FAAH2: variants seen among roughly 807,000 people sequenced by gnomAD.
FAAH2 encodes fatty-acid amide hydrolase 2.
In FAAH2, 60 loss-of-function variants were observed where a neutral mutation model predicts 36.9. The ratio of observed to expected loss-of-function variants is 1.63; its 90% confidence interval spans 1.32 to 2.02. FAAH2 has a LOEUF of 2.02. Ranked by LOEUF, FAAH2 falls within the 30% of genes most tolerant of loss-of-function variation. FAAH2 has a pLI of 0.00. For synonymous variants in FAAH2, 214 were observed against 143.8 expected, an observed-to-expected ratio of 1.49 and a Z score of -3.49; for missense variants, 689 against 397.5, an observed-to-expected ratio of 1.73 and a Z score of -6.23.
chrX:57,346,127 G>A (rs1241194629), intron 5 of FAAH2, among the ~76,000 whole-genome samples: 2 of 110,909 alleles, frequency 1.8e-5, no homozygotes, highest in African/African-American at 3.3e-5. Flanking sequence ...TTTTGCAGAT[G>A]TCTATCAGGT....
chrX:57,241,265 C>T, the FAAH2 span, among the ~76,000 whole-genome samples: 1 of 112,336 alleles, frequency 8.9e-6, no homozygotes, highest in South Asian at 3.6e-4. Context: ...ACAACCTATA[C>T]AATACTGTTC....
chrX:57,386,714 C>T (rs762855916), intron 7 of FAAH2, among the ~76,000 whole-genome samples: 2 of 111,414 alleles, frequency 1.8e-5, no homozygotes, highest in African/African-American at 3.3e-5. Context: ...TTTTTGCTGG[C>T]CTGAAATTCA....
At chrX:57,170,924 G>C in the FAAH2 span, among the ~76,000 whole-genome samples, 2 of 109,406 alleles carry the variant, frequency 1.8e-5, no homozygotes, top group Non-Finnish European at 3.8e-5. Context: ...TGGCCAGGCT[G>C]GTTTCGAACT....
At chrX:57,402,815 G>A (rs1270504156) in intron 7 of FAAH2, among the ~76,000 whole-genome samples, 1 of 111,728 alleles carries the variant, frequency 9.0e-6, no homozygotes, top group African/African-American at 3.3e-5. Context: ...ATCCCTCTGA[G>A]GGTCTACACT....
chrX:57,295,813 C>A (rs1004506973), intron 2 of FAAH2, among the ~76,000 whole-genome samples: 1 of 112,540 alleles, frequency 8.9e-6, no homozygotes, highest in African/African-American at 3.2e-5. Flanking sequence ...GATTATATCC[C>A]GCACTTGGAT....
intron 7 of FAAH2, among the ~76,000 whole-genome samples, chrX:57,431,675 C>A (rs1347569877): frequency 9.0e-6 from 1 of 111,020 alleles, no homozygotes; most frequent in East Asian, 2.8e-4. Context: ...CTAGCATTTC[C>A]TTGGTTGCTT....
At chrX:57,258,707 G>GC in the FAAH2 span, among the ~76,000 whole-genome samples, 1 of 86,250 alleles carries the variant, frequency 1.2e-5, no homozygotes, top group Admixed American at 1.3e-4. Context: ...TTTTTTTGTT[G>GC]CCTTTTTTTT....
chrX:57,209,352 G>A, the FAAH2 span, among the ~76,000 whole-genome samples: 5 of 112,000 alleles, frequency 4.5e-5, no homozygotes, highest in South Asian at 3.7e-4. Flanking sequence ...CCTGGATATT[G>A]CTATTTCTTA....
chrX:57,208,659 G>A, the FAAH2 span, among the ~76,000 whole-genome samples: 4 of 111,791 alleles, frequency 3.6e-5, no homozygotes, highest in Non-Finnish European at 7.5e-5. Flanking sequence ...AACCTTCAGA[G>A]CTGAGAGCCC....
In FAAH2 at chrX:57,467,297, C is replaced by T. The variant is rs551472243; in HGVS notation, c.1423+18579C>T. The stretch of plus-strand genomic sequence containing the variant: ...GCAATGAGAGTGAGCCAAAGCAGGG[C>T]AAGGCATCGCCTCTCCCAGGAAGTG... On this transcript the variant is annotated intron_variant, in intron 10 of 10. Transcript: ENST00000374900. Among the ~76,000 whole-genome samples, 112 of 110,916 alleles carry T rather than the reference C, an allele frequency of 1.0e-3. 4 individuals carry two copies. In the South Asian group the frequency reaches 0.041, roughly 41 times the overall value.
intron 2 of FAAH2, among the ~76,000 whole-genome samples, chrX:57,309,631 G>A (rs2052635708): frequency 9.0e-6 from 1 of 111,093 alleles, no homozygotes; most frequent in Non-Finnish European, 1.9e-5. Flanking sequence ...AGAGGCCCCA[G>A]TGTGTGTTGT....
At chrX:57,445,554 G>A (rs1293428681) in intron 8 of FAAH2, among the ~76,000 whole-genome samples, 1 of 111,644 alleles carries the variant, frequency 9.0e-6, no homozygotes, top group Non-Finnish European at 1.9e-5. Flanking sequence ...GAATCCTCCT[G>A]GTACTGGGTT....
chrX:57,468,892 C>T (rs754481710), intron 10 of FAAH2, among the ~76,000 whole-genome samples: 16 of 112,017 alleles, frequency 1.4e-4, no homozygotes, highest in South Asian at 3.7e-4. Context: ...AGACTAACAG[C>T]GGATCTCTCA....
chrX:57,216,550 GTA>G, the FAAH2 span, among the ~76,000 whole-genome samples: 99 of 15,096 alleles, frequency 6.6e-3, no homozygotes, highest in Non-Finnish European at 0.011. Context: ...ATACGTATAT[GTA>G]TATATATATA....
intron 3 of FAAH2, among the ~76,000 whole-genome samples, chrX:57,312,210 G>A (rs2052714070): frequency 8.9e-6 from 1 of 112,485 alleles, no homozygotes; most frequent in African/African-American, 3.2e-5. Flanking sequence ...GAGCATGCCT[G>A]CATACTAAGG....
At chrX:57,362,777 G>A (rs1255089728) in intron 5 of FAAH2, among the ~76,000 whole-genome samples, 2 of 111,932 alleles carry the variant, frequency 1.8e-5, no homozygotes, top group Admixed American at 9.5e-5. Flanking sequence ...TGAATATGGT[G>A]AAATGTATTT....
chrX:57,250,476 T>C, the FAAH2 span, among the ~76,000 whole-genome samples: 15 of 111,490 alleles, frequency 1.3e-4, no homozygotes, highest in Admixed American at 6.7e-4. Flanking sequence ...ATGTACTATA[T>C]TCTTAAAATT....
chrX:57,208,927 G>T, the FAAH2 span, among the ~76,000 whole-genome samples: 2 of 111,715 alleles, frequency 1.8e-5, no homozygotes, highest in Non-Finnish European at 3.8e-5. Context: ...CCTCATGCTG[G>T]TAAACCCACA....
the FAAH2 span, among the ~76,000 whole-genome samples, chrX:57,235,382 T>C: frequency 1.8e-5 from 2 of 111,807 alleles, no homozygotes; most frequent in Admixed American, 1.9e-4. Context: ...CTTTAGGTCT[T>C]GTTTATAATT....
Sources: allele counts gnomAD v4.1 joint callset (sites outside exome capture counted in the v4.1 genomes callset), GRCh38; gene constraint gnomAD v4.1.1; transcripts MANE v1.5; gene names NCBI Gene and HGNC (gene_info 2026-07-23, HGNC 2026-07-21).